The following PPFIA4 variants were observed in gnomAD, a reference collection of about 807,000 sequenced individuals.
PPFIA4 encodes the protein PPFI scaffold protein A4, also known as liprin-alpha-4.
Under a neutral mutation model 145.7 loss-of-function variants are expected in PPFIA4, and 98 were observed. The observed-to-expected ratio is 0.67, with a 90% CI of 0.57 to 0.80. PPFIA4 has a LOEUF of 0.80. Ranked by LOEUF, PPFIA4 falls within the 30% of genes least tolerant of loss-of-function variation. The pLI, the probability that PPFIA4 is intolerant of heterozygous loss-of-function variation, is 0.00. For missense variants in PPFIA4, 1,457 were observed against 1,632.7 expected, an observed-to-expected ratio of 0.89 and a Z score of 1.85; for synonymous variants, 628 against 649.6, an observed-to-expected ratio of 0.97 and a Z score of 0.51.
In PPFIA4 at chr1:203,035,540, C is replaced by T. The variant is rs1021546764; in HGVS notation, c.-399-3070C>T. On this transcript the variant is annotated intron_variant, in intron 1 of 29. Transcript: ENST00000295706. ...ACTCACACCCACTCACTCTTGAGCC[C>T]TCTTCCTCTGTTTCACAGCCTGCCC... 5 of 456,836 alleles carry T rather than the reference C, an allele frequency of 1.1e-5. No individual in the cohort carries two copies. The Admixed American group carries it at 1.2e-4, about 11-fold the overall frequency. 28.3% of individuals were successfully genotyped at this position (456,836 alleles called of 1,614,324 possible). A position where few individuals can be genotyped will look rare whatever the true frequency, so the allele number is the denominator to read the frequency against.
intron 2 of PPFIA4, among the ~76,000 whole-genome samples, chr1:203,042,616 C>T (rs542309794): frequency 6.6e-6 from 1 of 152,274 alleles, no homozygotes; most frequent in East Asian, 1.9e-4. Flanking sequence ...AAAGCTCTTT[C>T]TCTTCCCTGT....
At chr1:203,045,258 A>AGCCTTGACCTGCTCTGGGTGT in intron 6 of PPFIA4, 110 bp from the exon 7 acceptor site, 1 of 979,048 alleles carries the variant, frequency 1.0e-6, no homozygotes, top group South Asian at 1.8e-5. Flanking sequence ...TTGGGGGCAG[A>AGCCTTGACCTGCTCTGGGTGT]GCCTTGACCT....
At position 203,045,970 on chromosome 1, in the gene PPFIA4, G is replaced by A. The variant is rs745476980; in HGVS notation, c.988G>A (p.Glu330Lys). Residue 330 changes from glutamate (E) to lysine (K), a missense_variant, in exon 8 of 30, where the codon GAG becomes AAG. Physicochemically the swap from Glu to Lys is moderately conservative, Grantham distance 56. This residue lies in a region of PPFIA4 where 463 missense variants were observed against 459.8 expected (regional missense o/e 1.01). Transcript: ENST00000295706. ...GCTGGAGAATGAGCTGGCCAACAAG[G>A]AGTCCCTGCACCGCCAGGTACCTCC... Reference protein sequence around the residue: ...DKLENELANKESLHRQCEEKA... With the variant: ...DKLENELANKKSLHRQCEEKA... 16 of 1,612,690 alleles carry A rather than the reference G, an allele frequency of 9.9e-6. No individual in the cohort carries two copies. The highest frequency in any genetic ancestry group is 1.4e-5 in the Non-Finnish European group (16 of 1,179,860).
chr1:203,071,904 G>A (rs1662196559), intron 28 of PPFIA4, 144 bp downstream of exon 28: 1 of 748,558 alleles, frequency 1.3e-6, no homozygotes, highest in African/African-American at 1.7e-5. Flanking sequence ...ATAATGTCAG[G>A]GGGTTGAGGA....
chr1:203,051,304 A>C, intron 13 of PPFIA4: 2 of 987,158 alleles, frequency 2.0e-6, no homozygotes, highest in Non-Finnish European at 2.4e-6. Context: ...ACCCGAGGAA[A>C]AGTGCTGGGT....
At position 203,068,628 on chromosome 1, in the gene PPFIA4, G is replaced by A; in HGVS notation, c.3324G>A (p.Gln1108=). Residue 1108 remains glutamine, a splice_region_variant and synonymous_variant, in exon 27 of 30, where the codon CAG becomes CAA. Coordinates refer to ENST00000295706, the MANE Select transcript of PPFIA4 (RefSeq NM_001304331.2). The surrounding 1 kb of genome is among the most constrained non-coding windows in gnomAD (Gnocchi z 4.7). ...TCCAGATCCCCACACAGAACACCCAGGTGGGCAGCCTTTTAATCAGTCAAC... is the reference window on the plus strand; with the variant it reads ...TCCAGATCCCCACACAGAACACCCAAGTGGGCAGCCTTTTAATCAGTCAAC... ...LILQIPTQNT[Q]ARQVMEREFN... is the part of the protein sequence containing the mutation. The A allele has an allele frequency of 6.6e-7, 1 of 1,514,464 alleles. No homozygotes were observed. Among genetic ancestry groups the A allele is most frequent in the Non-Finnish European group, 8.8e-7 (1 of 1,134,670 alleles). The allele number at this position is 1,514,464 out of a possible 1,614,324, so 93.8% of individuals were successfully genotyped here. A position where few individuals can be genotyped will look rare whatever the true frequency, so the allele number is the denominator to read the frequency against.
rs1660292902 is a variant in PPFIA4 at position 203,048,941 on chromosome 1, G to A, written c.1380G>A (p.Glu460=). 1 of 1,548,496 alleles carries A rather than the reference G, an allele frequency of 6.5e-7. No homozygotes were observed. Among genetic ancestry groups the A allele is most frequent in the African/African-American group, 1.4e-5 (1 of 73,034 alleles). The change falls in exon 12 of 30, where the codon GAG becomes GAA. Residue 460 remains glutamate, a synonymous_variant. Transcript: ENST00000295706. The surrounding 1 kb of genome is among the most constrained non-coding windows in gnomAD (Gnocchi z 5.8). ...EEKNTLIQEL[E]SSQRQIEEQH... is the part of the protein sequence containing the mutation. ...AGAACACGTTGATCCAGGAGTTGGA[G>A]AGCTCCCAGCGGCAGATTGAGGAGC...
chr1:203,044,833 G>A, intron 6 of PPFIA4, 48 bp downstream of exon 6: 2 of 1,524,770 alleles, frequency 1.3e-6, no homozygotes, highest in South Asian at 1.2e-5. Flanking sequence ...TCCCCAAGGT[G>A]GGAGGTTGGA....
At chr1:203,052,051 C>CCG (rs1553257071) in intron 14 of PPFIA4, among the ~76,000 whole-genome samples, 174 bp downstream of exon 14, 2 of 136,796 alleles carry the variant, frequency 1.5e-5, no homozygotes, top group South Asian at 2.4e-4. Context: ...CTGTGCCCCC[C>CCG]CCCCCGCTTG....
In PPFIA4 at chr1:203,035,510, C is replaced by G. The variant is rs746345354; in HGVS notation, c.-399-3100C>G. On this transcript the variant is annotated intron_variant, in intron 1 of 29. Coordinates refer to ENST00000295706, the MANE Select transcript of PPFIA4 (RefSeq NM_001304331.2). ...TTGTCCAATCCCCCACCCCCACACA[C>G]GCACACTCACACCCACTCACTCTTG... The G allele has an allele frequency of 6.6e-6, 3 of 451,834 alleles. No homozygotes were observed. The East Asian group carries it at 2.1e-4, about 32-fold the overall frequency. The allele number at this position is 451,834 out of a possible 1,614,324, so 28.0% of individuals were successfully genotyped here.
In PPFIA4 at chr1:203,043,668, A is replaced by G. The variant is rs1365540562; in HGVS notation, c.336+170A>G. Among the ~76,000 whole-genome samples the G allele has an allele frequency of 1.3e-5, 2 of 152,110 alleles. No homozygotes were observed. Among genetic ancestry groups the G allele is most frequent in the African/African-American group, 2.4e-5 (1 of 41,412 alleles). On this transcript the variant is annotated intron_variant, in intron 3 of 29. Transcript: ENST00000295706. This position sits in a 1 kb window ranked among gnomAD's most constrained non-coding sequence, Gnocchi z 4.4. ...TCTCCCATCCTGGGGTGAGAGTTAC[A>G]TCGTTTAACCACCAGTGCTGGGCTC...
chr1:203,076,377 C>T lies in PPFIA4; in HGVS notation c.3611C>T (p.Ala1204Val). ...TATCTCTACGGACACATGCTCTCCGCCTTCCGGGACTAGCCATGGCCCCCA... is the reference window on the plus strand; with the variant it reads ...TATCTCTACGGACACATGCTCTCCGTCTTCCGGGACTAGCCATGGCCCCCA... Reference protein sequence around the residue: ...SHYLYGHMLSAFRD With the variant: ...SHYLYGHMLSVFRD The change falls in exon 30 of 30, where the codon GCC becomes GTC. Residue 1204 changes from alanine (A) to valine (V), a missense_variant. Around this residue, in one of 3 missense-constraint regions of PPFIA4, gnomAD observed 146 missense variants for 126.2 expected, o/e 1.16. Transcript: ENST00000295706. 1 of 1,608,420 alleles carries T rather than the reference C, an allele frequency of 6.2e-7. No individual in the cohort carries two copies. Among genetic ancestry groups the T allele is most frequent in the Non-Finnish European group, 8.5e-7 (1 of 1,179,822 alleles).
rs916750313 is a variant in PPFIA4, at chr1:203,055,466, C to T, written c.1864C>T (p.Arg622Cys). The T allele has an allele frequency of 9.9e-6, 16 of 1,613,874 alleles. No individual in the cohort carries two copies. Among genetic ancestry groups the T allele is most frequent in the African/African-American group, 5.3e-5 (4 of 74,904 alleles). Residue 622 changes from arginine (R) to cysteine (C), a missense_variant, in exon 16 of 30, where the codon CGC (arginine) becomes TGC (cysteine). Arg to Cys is a radical substitution (Grantham distance 180). Transcript: ENST00000295706. The surrounding 1 kb of genome is among the most constrained non-coding windows in gnomAD (Gnocchi z 4.8). ...IQEEKESTEL[R>C]AEEIETRVTS... Reference sequence around the variant, plus strand: ...GGAAGAGAAGGAGTCCACGGAGCTCCGCGCGGAGGAGATTGAGACGCGTGT... The same window carrying T: ...GGAAGAGAAGGAGTCCACGGAGCTCTGCGCGGAGGAGATTGAGACGCGTGT...
chr1:203,037,213 C>G, intron 1 of PPFIA4: 1 of 357,582 alleles, frequency 2.8e-6, no homozygotes, highest in Non-Finnish European at 5.9e-6. Context: ...GTAGGAGAGG[C>G]CCGGCCCTTC....
chr1:203,076,491 G>C lies in PPFIA4; in HGVS notation c.*101G>C. 2 of 1,215,828 alleles carry C rather than the reference G, an allele frequency of 1.6e-6. No individual in the cohort carries two copies. The highest frequency in any genetic ancestry group is 2.4e-6 in the Non-Finnish European group (2 of 837,516). 75.3% of individuals were successfully genotyped at this position (1,215,828 alleles called of 1,614,324 possible). Reference sequence around the variant, plus strand: ...CCTTCCTTCCGCAGCTCCTAGTCTCGTCCGTGACTTTCCGGTTGCCCTGGA... The same window carrying C: ...CCTTCCTTCCGCAGCTCCTAGTCTCCTCCGTGACTTTCCGGTTGCCCTGGA... On this transcript the variant is annotated 3_prime_UTR_variant, in exon 30 of 30. Coordinates refer to ENST00000295706, the MANE Select transcript of PPFIA4 (RefSeq NM_001304331.2).
chr1:203,049,546 G>T, intron 12 of PPFIA4, 130 bp from the exon 13 acceptor site: 1 of 791,480 alleles, frequency 1.3e-6, no homozygotes, highest in Non-Finnish European at 1.9e-6. Context: ...CCCTGGCTTT[G>T]GACTTTGCAG....
intron 28 of PPFIA4, among the ~76,000 whole-genome samples, chr1:203,074,273 C>T (rs1026960733): frequency 1.3e-5 from 2 of 152,146 alleles, no homozygotes; most frequent in Non-Finnish European, 2.9e-5. Flanking sequence ...CTATTGCACA[C>T]CTAGGCTATA....
intron 27 of PPFIA4, among the ~76,000 whole-genome samples, chr1:203,069,755 A>ACCCTCCCCCCCCCCCCCCCCCCC (rs1553260595): frequency 9.5e-6 from 1 of 104,766 alleles, no homozygotes; most frequent in Non-Finnish European, 2.0e-5. Flanking sequence ...TTCTGCAGTG[A>ACCCTCCCCCCCCCCCCCCCCCCC]CCCCCCCGCC....
rs771843720 is a variant in PPFIA4, at chr1:203,044,074, C to T, written c.480C>T (p.His160=). The T allele has an allele frequency of 1.9e-6, 3 of 1,600,930 alleles. No homozygotes were observed. The highest frequency in any genetic ancestry group is 2.6e-6 in the Non-Finnish European group (3 of 1,173,638). The change falls in exon 4 of 30, where the codon CAC becomes CAT. Residue 160 remains histidine (H), a synonymous_variant. Transcript: ENST00000295706. ...VLKALKSLFE[H]HKALDEKVRE... is the part of the protein sequence containing the mutation. The stretch of plus-strand genomic sequence containing the variant: ...AGGCCCTCAAGTCACTGTTTGAGCA[C>T]CACAAGGCCCTGGATGAGAAGGTGC...
Sources: allele counts gnomAD v4.1 joint callset (sites outside exome capture counted in the v4.1 genomes callset), GRCh38; gene constraint gnomAD v4.1.1; regional missense constraint gnomAD v4.1.1; non-coding constraint Gnocchi (gnomAD v3.1); transcripts MANE v1.5; gene names NCBI Gene and HGNC (gene_info 2026-07-23, HGNC 2026-07-21).